Variants in TANC2 observed in about 807,000 individuals in gnomAD.
TANC2 encodes tetratricopeptide repeat, ankyrin repeat and coiled-coil containing 2.
Under a neutral mutation model 210.5 loss-of-function variants are expected in TANC2, and 26 were observed. The observed-to-expected ratio is 0.12, with a 90% CI of 0.09 to 0.17. TANC2 has a LOEUF of 0.17. Ranked by LOEUF, TANC2 falls within the 10% of genes least tolerant of loss-of-function variation. The pLI is 1.00. For synonymous variants in TANC2, 931 were observed against 967.1 expected (o/e 0.96, Z 0.69); for missense variants, 2,129 against 2,608.9 (o/e 0.82, Z 4.01).
At chr17:63,191,680 C>A (rs953340342) in intron 5 of TANC2, among the ~76,000 whole-genome samples, 23 of 152,078 alleles carry the variant, frequency 1.5e-4, no homozygotes, top group African/African-American at 4.8e-4. Context: ...CCAGGCTGGT[C>A]TTGAACTCCT....
intron 4 of TANC2, among the ~76,000 whole-genome samples, chr17:63,109,254 G>A (rs1447443448): frequency 2.0e-5 from 3 of 151,652 alleles, no homozygotes; most frequent in Non-Finnish European, 2.9e-5. Flanking sequence ...TACTTGATCA[G>A]TAAAGCCAGT....
chr17:63,082,166 A>G (rs1598368854), intron 3 of TANC2, among the ~76,000 whole-genome samples: 2 of 152,204 alleles, frequency 1.3e-5, no homozygotes, highest in East Asian at 3.9e-4. Flanking sequence ...GCGAGACTCC[A>G]TCTCAAAAAA....
At chr17:63,064,302 CA>C (rs1029438327) in intron 2 of TANC2, among the ~76,000 whole-genome samples, 11 of 151,562 alleles carry the variant, frequency 7.3e-5, no homozygotes, top group East Asian at 1.9e-4. Context: ...ACAAAAATTA[CA>C]AAAAAAAGTT....
intron 9 of TANC2, among the ~76,000 whole-genome samples, chr17:63,286,400 A>ATT (rs146816823): frequency 6.6e-6 from 1 of 152,006 alleles, no homozygotes; most frequent in Non-Finnish European, 1.5e-5. Flanking sequence ...AAGTTGACAG[A>ATT]TTTTTTTTCC....
At chr17:63,269,162 G>C (rs2043620388) in intron 9 of TANC2, among the ~76,000 whole-genome samples, 1 of 152,004 alleles carries the variant, frequency 6.6e-6, no homozygotes, top group Non-Finnish European at 1.5e-5. Context: ...TAAAATAATT[G>C]ATTGTATTGC....
intron 5 of TANC2, among the ~76,000 whole-genome samples, chr17:63,190,800 C>T (rs1327748962): frequency 6.6e-6 from 1 of 152,130 alleles, no homozygotes; most frequent in Non-Finnish European, 1.5e-5. Flanking sequence ...CACATTGCCT[C>T]CAAAGACCAG....
chr17:63,051,701 A>C (rs1000598912), intron 2 of TANC2, among the ~76,000 whole-genome samples: 1 of 152,190 alleles, frequency 6.6e-6, no homozygotes, highest in African/African-American at 2.4e-5. Flanking sequence ...CTGTACTTTG[A>C]GTACCCATAC....
At chr17:63,177,697 A>G (rs1342978170) in intron 5 of TANC2, among the ~76,000 whole-genome samples, 1 of 152,194 alleles carries the variant, frequency 6.6e-6, no homozygotes, top group Non-Finnish European at 1.5e-5. Flanking sequence ...CTAGCATTCA[A>G]GTTGAGCTCA....
intron 8 of TANC2, among the ~76,000 whole-genome samples, chr17:63,247,333 T>G (rs754201052): frequency 6.6e-6 from 1 of 152,068 alleles, no homozygotes; most frequent in Non-Finnish European, 1.5e-5. Context: ...ACTTTCCTCT[T>G]TATCTTTTTA....
chr17:63,228,052 C>T (rs773685880), intron 7 of TANC2, among the ~76,000 whole-genome samples: 9 of 151,584 alleles, frequency 5.9e-5, no homozygotes, highest in South Asian at 2.1e-4. Context: ...TTAGTAGAGA[C>T]GGGTTTCACT....
At chr17:63,399,091 GCC>G in intron 19 of TANC2, 177 bp downstream of exon 19, 1 of 428,218 alleles carries the variant, frequency 2.3e-6, no homozygotes, top group Non-Finnish European at 4.2e-6. Flanking sequence ...AATCCTCTTT[GCC>G]TGTGGATTCT....
chr17:63,281,417 C>G (rs1567878441), intron 9 of TANC2, among the ~76,000 whole-genome samples: 1 of 152,038 alleles, frequency 6.6e-6, no homozygotes, highest in Non-Finnish European at 1.5e-5. Flanking sequence ...CCTTGGCTGA[C>G]TACTGAACCA....
chr17:63,419,917 A>T (rs116929361), intron 27 of TANC2, 82 bp from the exon 28 acceptor site: 1 of 1,437,792 alleles, frequency 7.0e-7, no homozygotes, highest in East Asian at 2.5e-5. Flanking sequence ...GCTCTCTGAG[A>T]TAGTGACCAT....
chr17:63,126,151 C>T (rs959016196), intron 4 of TANC2, among the ~76,000 whole-genome samples: 3 of 152,142 alleles, frequency 2.0e-5, no homozygotes, highest in Non-Finnish European at 4.4e-5. Context: ...GTGTGGTTTA[C>T]GTCTTGTCTC....
chr17:63,315,499 AG>A (rs1179340365), intron 10 of TANC2, among the ~76,000 whole-genome samples: 1 of 152,224 alleles, frequency 6.6e-6, no homozygotes, highest in Non-Finnish European at 1.5e-5. Context: ...ACTTGAGTAA[AG>A]AAAATAAATA....
rs67245738 is a variant in TANC2, at chr17:63,098,431, TACACACACACACACAC to T, written c.140-710_140-695del. Among the ~76,000 whole-genome samples the T allele has an allele frequency of 6.1e-4, 57 of 93,306 alleles. 2 individuals carry two copies. The highest frequency in any genetic ancestry group is 1.5e-3 in the Admixed American group (14 of 9,278). 61.2% of individuals were successfully genotyped at this position (93,306 alleles called of 152,430 possible). A position where few individuals can be genotyped will look rare whatever the true frequency, so the allele number is the denominator to read the frequency against. Reference sequence around the variant, plus strand: ...TTTCACCCCTTGGTGGGCCTTAGACTACACACACACACACACACACACACACACACACACACACACA... The same window carrying T: ...TTTCACCCCTTGGTGGGCCTTAGACTACACACACACACACACACACACACA... On this transcript the variant is annotated intron_variant, in intron 3 of 27. Transcript: ENST00000689528.
chr17:63,202,505 C>G (rs796074129), intron 7 of TANC2, among the ~76,000 whole-genome samples: 8 of 152,194 alleles, frequency 5.3e-5, no homozygotes, highest in African/African-American at 1.9e-4. Flanking sequence ...GGCTAGGTTT[C>G]TCTTCAGACT....
At position 63,412,213 on chromosome 17, in the gene TANC2, G is replaced by A; in HGVS notation, c.3898+83G>A. ...GGTCTGGCTGCCCTGGGTATTTGGT[G>A]TGAGTGTATATAGTTCCCCCTCCTC... On this transcript the variant is annotated intron_variant, in intron 23 of 27. Coordinates refer to ENST00000689528, the Ensembl canonical transcript of TANC2. This position sits in a 1 kb window ranked among gnomAD's most constrained non-coding sequence, Gnocchi z 4.2. 1.3e-6 allele frequency: 2 copies of A among 1,588,426 alleles called. No homozygotes were observed. Among genetic ancestry groups the A allele is most frequent in the South Asian group, 2.3e-5 (2 of 88,206 alleles).
chr17:63,193,824 C>A (rs932381007), intron 5 of TANC2, 167 bp from the exon 6 acceptor site: 3 of 611,416 alleles, frequency 4.9e-6, no homozygotes, highest in African/African-American at 1.9e-5. Context: ...TACTTGGAAG[C>A]GAATTTATAT....
Sources: allele counts gnomAD v4.1 joint callset (sites outside exome capture counted in the v4.1 genomes callset), GRCh38; gene constraint gnomAD v4.1.1; non-coding constraint Gnocchi (gnomAD v3.1); transcripts MANE v1.5; gene names NCBI Gene and HGNC (gene_info 2026-07-23, HGNC 2026-07-21).